The following MAGI1 variants were observed in gnomAD, a reference collection of about 807,000 sequenced individuals.
MAGI1 encodes the protein membrane-associated guanylate kinase, WW and PDZ domain-containing protein 1.
In MAGI1, 58 loss-of-function variants were observed where a neutral mutation model predicts 139.9. That is an observed-to-expected ratio of 0.41 (90% confidence interval 0.34 to 0.52). The LOEUF is 0.52. Ranked by LOEUF, MAGI1 falls within the 20% of genes least tolerant of loss-of-function variation. The pLI, the probability that MAGI1 is intolerant of heterozygous loss-of-function variation, is 0.12. For synonymous variants in MAGI1, 812 were observed against 737.9 expected, an observed-to-expected ratio of 1.10 and a Z score of -1.63; for missense variants, 1,874 against 1,901.6, an observed-to-expected ratio of 0.99 and a Z score of 0.27.
At position 65,364,824 on chromosome 3, in the gene MAGI1, T is replaced by G. The variant is rs775132210; in HGVS notation, c.3290+29A>C. ...CATGCTGGGAGTTACTTTTTTCCCC[T>G]TTAACAAAGGAAACCAGTCATGTCT... On this transcript the variant is annotated intron_variant, in intron 19 of 22. Coordinates refer to ENST00000402939, the MANE Select transcript of MAGI1 (RefSeq NM_001033057.2). 1.6e-5 allele frequency: 26 copies of G among 1,612,820 alleles called. No individual in the cohort carries two copies. In the Middle Eastern group the frequency reaches 6.6e-4, roughly 41 times the overall value.
intron 1 of MAGI1, among the ~76,000 whole-genome samples, chr3:65,790,814 C>T (rs1484719084): frequency 6.6e-6 from 1 of 152,204 alleles, no homozygotes; most frequent in Non-Finnish European, 1.5e-5. Flanking sequence ...GTGACTCATG[C>T]CTGTAATCCC....
intron 2 of MAGI1, among the ~76,000 whole-genome samples, chr3:65,547,553 T>C (rs1307399808): frequency 6.6e-6 from 1 of 152,152 alleles, no homozygotes; most frequent in East Asian, 1.9e-4. Flanking sequence ...AATGAAACCA[T>C]GGAGAAGTTG....
intron 1 of MAGI1, among the ~76,000 whole-genome samples, chr3:65,752,541 T>G (rs551856941): frequency 2.6e-5 from 4 of 152,316 alleles, no homozygotes; most frequent in African/African-American, 9.6e-5. Flanking sequence ...ATCTATAATC[T>G]CAGAGGTATA....
At chr3:65,490,515 A>T (rs141440141) in intron 3 of MAGI1, among the ~76,000 whole-genome samples, 1 of 152,162 alleles carries the variant, frequency 6.6e-6, no homozygotes, top group East Asian at 1.9e-4. Context: ...AGCTTTTAAG[A>T]GTCAATATAA....
chr3:65,733,135 T>G (rs1156890929), intron 1 of MAGI1, among the ~76,000 whole-genome samples: 1 of 152,196 alleles, frequency 6.6e-6, no homozygotes, highest in Non-Finnish European at 1.5e-5. Flanking sequence ...CTTGGCTCAC[T>G]GCAACCTCCG....
chr3:65,807,854 C>G (rs1413988789), intron 1 of MAGI1, among the ~76,000 whole-genome samples: 4 of 152,144 alleles, frequency 2.6e-5, no homozygotes, highest in Non-Finnish European at 4.4e-5. Context: ...GATGAGAAAA[C>G]TGAGTACAGA....
chr3:65,397,622 T>C (rs1357398784), intron 13 of MAGI1, among the ~76,000 whole-genome samples: 1 of 152,114 alleles, frequency 6.6e-6, no homozygotes, highest in Admixed American at 6.5e-5. Context: ...AAGTAAAGAA[T>C]GTGGTTTCCT....
chr3:65,813,360 C>T (rs368841097), intron 1 of MAGI1, among the ~76,000 whole-genome samples: 1 of 151,734 alleles, frequency 6.6e-6, no homozygotes, highest in African/African-American at 2.4e-5. Context: ...CATCCTTAAG[C>T]AAAAGCTAAT....
chr3:65,822,572 G>A (rs919307941), intron 1 of MAGI1, among the ~76,000 whole-genome samples: 5 of 152,084 alleles, frequency 3.3e-5, no homozygotes, highest in African/African-American at 1.2e-4. Context: ...AGAAATACCT[G>A]AGGCTGGGTA....
intron 1 of MAGI1, among the ~76,000 whole-genome samples, chr3:65,884,302 T>G (rs2060447677): frequency 6.6e-6 from 1 of 152,218 alleles, no homozygotes; most frequent in Non-Finnish European, 1.5e-5. Flanking sequence ...ATAGCGATAC[T>G]GTGCATGAGG....
intron 1 of MAGI1, among the ~76,000 whole-genome samples, chr3:65,959,563 T>C (rs2064303891): frequency 1.3e-5 from 2 of 150,912 alleles, no homozygotes; most frequent in Admixed American, 6.6e-5. Context: ...GCCTACTAAG[T>C]AGCTGGGACT....
intron 1 of MAGI1, among the ~76,000 whole-genome samples, chr3:65,879,421 G>C (rs2060240010): frequency 6.6e-6 from 1 of 152,004 alleles, no homozygotes; most frequent in Non-Finnish European, 1.5e-5. Context: ...GGAAGAAACA[G>C]GTCTCTTTAA....
At chr3:65,968,609 T>A (rs2064872792) in intron 1 of MAGI1, among the ~76,000 whole-genome samples, 1 of 151,086 alleles carries the variant, frequency 6.6e-6, no homozygotes, top group Non-Finnish European at 1.5e-5. Context: ...ATATATATAT[T>A]ATATTTTTTT....
chr3:66,002,272 TA>T (rs2066784941), intron 1 of MAGI1, among the ~76,000 whole-genome samples: 1 of 152,204 alleles, frequency 6.6e-6, no homozygotes, highest in South Asian at 2.1e-4. Context: ...CTCACTGCAT[TA>T]AATGTTTCTA....
chr3:65,957,473 A>C (rs2107035099), intron 1 of MAGI1, among the ~76,000 whole-genome samples: 1 of 147,548 alleles, frequency 6.8e-6, no homozygotes, highest in African/African-American at 2.5e-5. Context: ...ATAAGCCATG[A>C]TTGCACCAAT....
intron 7 of MAGI1, among the ~76,000 whole-genome samples, chr3:65,445,869 T>A (rs904922277): frequency 6.6e-6 from 1 of 152,174 alleles, no homozygotes; most frequent in African/African-American, 2.4e-5. Flanking sequence ...CCTTGTCACA[T>A]CTGGAATTAC....
intron 2 of MAGI1, among the ~76,000 whole-genome samples, chr3:65,551,705 CATA>C (rs2079843282): frequency 6.6e-6 from 1 of 152,224 alleles, no homozygotes; most frequent in Non-Finnish European, 1.5e-5. Flanking sequence ...TTACACTTCA[CATA>C]ATACTAGAAT....
At chr3:65,851,766 G>T (rs73138904) in intron 1 of MAGI1, among the ~76,000 whole-genome samples, 21,327 of 151,988 alleles carry the variant, frequency 0.14, 1,827 homozygotes, top group Admixed American at 0.2. Flanking sequence ...AAATGTGTTA[G>T]GCTAACATGT....
chr3:65,846,648 CCTTGT>C (rs1446777339), intron 1 of MAGI1, among the ~76,000 whole-genome samples: 1 of 152,128 alleles, frequency 6.6e-6, no homozygotes, highest in Non-Finnish European at 1.5e-5. Context: ...TGTGCTTTCG[CCTTGT>C]AACAGTTCTG....
Sources: allele counts gnomAD v4.1 joint callset (sites outside exome capture counted in the v4.1 genomes callset), GRCh38; gene constraint gnomAD v4.1.1; transcripts MANE v1.5; gene names NCBI Gene and HGNC (gene_info 2026-07-23, HGNC 2026-07-21).